LTBP1: variants seen among roughly 807,000 people sequenced by gnomAD.
LTBP1 encodes latent transforming growth factor beta binding protein 1, also known as latent-transforming growth factor beta-binding protein 1.
Under a neutral mutation model 207.6 loss-of-function variants are expected in LTBP1, and 129 were observed. The observed-to-expected ratio is 0.62, with a 90% CI of 0.54 to 0.72. The LOEUF is 0.72. Among genes scored for constraint, LTBP1 ranks in the 30% least tolerant of loss-of-function variants. The probability of loss-of-function intolerance (pLI) is 0.00; values close to 1 mark genes in which losing one functional copy is unlikely to be tolerated. For synonymous variants in LTBP1, 963 were observed against 833.7 expected (o/e 1.16, Z -2.67); for missense variants, 2,281 against 2,217.2 (o/e 1.03, Z -0.58).
At chr2:33,357,603 C>A (rs927682307) in intron 26 of LTBP1, among the ~76,000 whole-genome samples, 2 of 152,084 alleles carry the variant, frequency 1.3e-5, no homozygotes, top group African/African-American at 4.8e-5. Context: ...TGTAAAAGTT[C>A]CTACAGAAAA....
At chr2:33,056,198 G>A (rs62133280) in intron 3 of LTBP1, 16,316 of 299,420 alleles carry the variant, frequency 0.054, 537 homozygotes, top group Middle Eastern at 0.07. Context: ...AAAATGAGCC[G>A]CCTCTTTTTC....
rs1362273660 is a variant in LTBP1 at position 33,110,672 on chromosome 2, G to A, written c.954G>A (p.Lys318=). The A allele has an allele frequency of 5.6e-6, 9 of 1,614,036 alleles. No homozygotes were observed. The highest frequency in any genetic ancestry group is 7.6e-6 in the Non-Finnish European group (9 of 1,180,020). Residue 318 remains lysine (K), a synonymous_variant, in exon 4 of 34, where the codon AAG becomes AAA. Transcript: ENST00000404816. ...AGCCCAAGTACTTTCCAGCCCAGAA[G>A]GGGATTTCAGGAGAGCAGTCCACTG... ...VLKPKYFPAQ[K]GISGEQSTEG...
chr2:33,299,180 T>C (rs1558970484), intron 20 of LTBP1, among the ~76,000 whole-genome samples: 1 of 150,662 alleles, frequency 6.6e-6, no homozygotes, highest in African/African-American at 2.4e-5. Flanking sequence ...AGACGGAGGT[T>C]GCAGTGAGCC....
intron 24 of LTBP1, among the ~76,000 whole-genome samples, chr2:33,334,956 G>A (rs1420671237): frequency 4.0e-5 from 6 of 151,108 alleles, no homozygotes; most frequent in African/African-American, 1.5e-4. Flanking sequence ...GCATACACCT[G>A]TGGTCCCAGC....
intron 10 of LTBP1, among the ~76,000 whole-genome samples, chr2:33,245,895 C>T (rs114506817): frequency 0.018 from 2,716 of 152,254 alleles, 88 homozygotes; most frequent in African/African-American, 0.062. Context: ...AGTCACAAAA[C>T]GCTCTGTGAA....
intron 7 of LTBP1, among the ~76,000 whole-genome samples, chr2:33,200,627 G>A (rs1211696065): frequency 2.0e-5 from 3 of 152,124 alleles, no homozygotes; most frequent in Non-Finnish European, 4.4e-5. Context: ...TTGACAAATG[G>A]GATCTAATTA....
Position 32,999,796 on chromosome 2 carries a change from G to A in LTBP1, c.566-21113G>A, listed in dbSNP as rs1249510483. Reference sequence around the variant, plus strand: ...CCACTGCACTCTAGCCTGGGCGACAGAGTGAGACTCTGTCTAAAAAAAAAA... The same window carrying A: ...CCACTGCACTCTAGCCTGGGCGACAAAGTGAGACTCTGTCTAAAAAAAAAA... On this transcript the variant is annotated intron_variant, in intron 2 of 33. Transcript: ENST00000404816. 3.0e-5 allele frequency among the ~76,000 whole-genome samples: 4 copies of A among 133,062 alleles called. 2 individuals are homozygous for A. Among genetic ancestry groups the A allele is most frequent in the Non-Finnish European group, 6.6e-5 (4 of 60,636 alleles). 87.3% of individuals were successfully genotyped at this position (133,062 alleles called of 152,430 possible).
In LTBP1 at chr2:33,150,581, G is replaced by A. The variant is rs371917209; in HGVS notation, c.1201+15621G>A. The stretch of plus-strand genomic sequence containing the variant: ...AAATTCCCCATTCCTTTCTCCCCTA[G>A]CCTCTGGTCACCCCTGTTCTACTTT... On this transcript the variant is annotated intron_variant, in intron 5 of 33. Coordinates refer to ENST00000404816, the MANE Select transcript of LTBP1 (RefSeq NM_206943.4). Among the ~76,000 whole-genome samples the A allele has an allele frequency of 2.0e-5, 3 of 151,616 alleles. No homozygotes were observed. The East Asian group carries it at 5.8e-4, about 29-fold the overall frequency.
chr2:33,210,961 A>G (rs2090265600), intron 7 of LTBP1, among the ~76,000 whole-genome samples: 2 of 152,134 alleles, frequency 1.3e-5, no homozygotes, highest in Non-Finnish European at 2.9e-5. Flanking sequence ...CTCTACAAGT[A>G]TTTTTTGAAA....
At chr2:32,954,608 A>G (rs1677758465) in intron 2 of LTBP1, among the ~76,000 whole-genome samples, 1 of 146,688 alleles carries the variant, frequency 6.8e-6, no homozygotes. Context: ...CCTATCTCCA[A>G]CAGTGGTCAC....
chr2:33,167,655 G>A (rs962079826), intron 5 of LTBP1, among the ~76,000 whole-genome samples: 2 of 152,228 alleles, frequency 1.3e-5, no homozygotes, highest in African/African-American at 4.8e-5. Context: ...GCAGAGGTGT[G>A]GGTGGAAGTA....
intron 8 of LTBP1, among the ~76,000 whole-genome samples, chr2:33,219,802 C>A (rs2090977587): frequency 6.6e-6 from 1 of 152,092 alleles, no homozygotes; most frequent in South Asian, 2.1e-4. Context: ...TGTCCAAACC[C>A]CAAAGTAGCA....
At chr2:33,052,898 G>T (rs184534944) in intron 3 of LTBP1, among the ~76,000 whole-genome samples, 1 of 150,008 alleles carries the variant, frequency 6.7e-6, no homozygotes, top group East Asian at 2.0e-4. Flanking sequence ...TTTTGAGATG[G>T]AGTCTCACTC....
At chr2:33,137,513 G>C (rs978889578) in intron 5 of LTBP1, among the ~76,000 whole-genome samples, 3 of 152,178 alleles carry the variant, frequency 2.0e-5, no homozygotes, top group Non-Finnish European at 2.9e-5. Context: ...AGCAGCCAGA[G>C]ACAATATGAA....
At chr2:32,947,844 CCCGCCCGCCTCGCGCGCA>C (rs769099335) in intron 1 of LTBP1, 26 bp downstream of exon 1, 8 of 1,280,448 alleles carry the variant, frequency 6.2e-6, no homozygotes, top group Non-Finnish European at 7.9e-6. Flanking sequence ...CTTCCGCCCG[CCCGCCCGCCTCGCGCGCA>C]CCGCCCGCGG....
At chr2:33,218,050 T>C (rs1283184381) in intron 8 of LTBP1, among the ~76,000 whole-genome samples, 3 of 152,260 alleles carry the variant, frequency 2.0e-5, no homozygotes, top group African/African-American at 7.2e-5. Context: ...TTTTTATTAA[T>C]GTCCACAACT....
At chr2:33,215,711 C>CTTTTG (rs1553456641) in intron 7 of LTBP1, among the ~76,000 whole-genome samples, 2 of 125,998 alleles carry the variant, frequency 1.6e-5, no homozygotes, top group African/African-American at 6.0e-5. Context: ...CATTGGTTTT[C>CTTTTG]TTTTGTTTTT....
chr2:32,993,888 G>C (rs972732275), intron 2 of LTBP1, among the ~76,000 whole-genome samples: 6 of 152,000 alleles, frequency 3.9e-5, no homozygotes, highest in African/African-American at 1.5e-4. Context: ...CCTGCTACTT[G>C]AAGTTACCTG....
chr2:33,175,350 AACAG>A, intron 5 of LTBP1, among the ~76,000 whole-genome samples: 1 of 152,218 alleles, frequency 6.6e-6, no homozygotes, highest in South Asian at 2.1e-4. Flanking sequence ...GAAGGATATG[AACAG>A]ACACTTCTCA....
Sources: allele counts gnomAD v4.1 joint callset (sites outside exome capture counted in the v4.1 genomes callset), GRCh38; gene constraint gnomAD v4.1.1; transcripts MANE v1.5; gene names NCBI Gene and HGNC (gene_info 2026-07-23, HGNC 2026-07-21).